Variants in EXD3 observed in about 807,000 individuals in gnomAD.
The protein encoded by EXD3 is exonuclease 3'-5' domain containing 3.
A neutral mutation model predicts 98.0 loss-of-function variants in EXD3; 92 were observed. The ratio of observed to expected loss-of-function variants is 0.94; its 90% CI spans 0.79 to 1.12. The LOEUF (loss-of-function observed/expected upper bound fraction) is 1.12, where lower values mean the gene tolerates loss of function less well. Among genes scored for constraint, EXD3 ranks in the 50% most tolerant of loss-of-function variants. The pLI, the probability that EXD3 is intolerant of heterozygous loss-of-function variation, is 0.00. For missense variants in EXD3, 1,222 were observed against 1,191.6 expected (o/e 1.03, Z -0.38); for synonymous variants, 569 against 526.0 (o/e 1.08, Z -1.12).
In EXD3 at chr9:137,372,960, C is replaced by T; in HGVS notation, c.407G>A (p.Arg136Lys). 6.2e-7 allele frequency: 1 copy of T among 1,603,166 alleles called. No homozygotes were observed. Among genetic ancestry groups the T allele is most frequent in the Middle Eastern group, 1.7e-4 (1 of 5,808 alleles). The change falls in exon 5 of 22, where the codon AGG becomes AAG. Residue 136 changes from arginine (R) to lysine (K), a missense_variant. Coordinates refer to ENST00000340951, the MANE Select transcript of EXD3 (RefSeq NM_017820.5). ...GTGGACGTGTGCCAGCAGGCAGCTC[C>T]TGTCTGCATCCTGCAGCTGGAAGAT... Reference protein sequence around the residue: ...ASIFQLQDADRSCLLAHVHRL... With the variant: ...ASIFQLQDADKSCLLAHVHRL...
At chr9:137,364,467 T>G (rs1036075615) in intron 7 of EXD3, among the ~76,000 whole-genome samples, 7 of 151,774 alleles carry the variant, frequency 4.6e-5, no homozygotes, top group African/African-American at 1.7e-4. Flanking sequence ...ACTAAAAATA[T>G]AAAAATTAGC....
intron 1 of EXD3, among the ~76,000 whole-genome samples, chr9:137,420,754 C>A (rs1838477122): frequency 7.9e-6 from 1 of 126,822 alleles, no homozygotes; most frequent in African/African-American, 2.8e-5. Context: ...CCCCCAAATT[C>A]ATACAGGTAT....
chr9:137,330,562 G>A (rs112232099), intron 17 of EXD3, among the ~76,000 whole-genome samples: 65 of 63,768 alleles, frequency 1.0e-3, no homozygotes, highest in Admixed American at 1.7e-3. Context: ...GCTACACAGG[G>A]CTCCACAGGA....
intron 2 of EXD3, among the ~76,000 whole-genome samples, chr9:137,386,115 G>A (rs1426414582): frequency 2.0e-5 from 3 of 152,116 alleles, no homozygotes; most frequent in South Asian, 2.1e-4. Flanking sequence ...GGGCAAGACA[G>A]CAAGACCCCA....
chr9:137,423,017 C>G (rs563721828), intron 1 of EXD3, 97 bp downstream of exon 1: 2 of 152,144 alleles, frequency 1.3e-5, no homozygotes, highest in South Asian at 4.1e-4. Flanking sequence ...TCACTCCCAG[C>G]TACGGCCCTC....
At chr9:137,370,391 G>C (rs2131672376) in intron 5 of EXD3, among the ~76,000 whole-genome samples, 1 of 152,180 alleles carries the variant, frequency 6.6e-6, no homozygotes, top group South Asian at 2.1e-4. Flanking sequence ...AAGGTGAAGA[G>C]TCCTGGACCC....
At chr9:137,327,722 A>T (rs56798340) in intron 17 of EXD3, among the ~76,000 whole-genome samples, 49 of 1,164 alleles carry the variant, frequency 0.042, 13 homozygotes, top group African/African-American at 0.082. Context: ...TAAAAACAAC[A>T]AATATACACC....
chr9:137,356,152 A>G (rs2119259877), intron 8 of EXD3, 116 bp downstream of exon 8: 2 of 720,998 alleles, frequency 2.8e-6, no homozygotes, highest in Non-Finnish European at 2.3e-6. Context: ...CTCTCTGGGA[A>G]GGTTGGTCTT....
chr9:137,340,766 G>A (rs543703821), intron 17 of EXD3, among the ~76,000 whole-genome samples: 20 of 151,996 alleles, frequency 1.3e-4, no homozygotes, highest in Non-Finnish European at 2.4e-4. Flanking sequence ...CAATTCTCCC[G>A]CCCTGGCCTC....
intron 19 of EXD3, among the ~76,000 whole-genome samples, chr9:137,320,785 G>C (rs558269762): frequency 6.6e-6 from 1 of 152,326 alleles, no homozygotes; most frequent in Admixed American, 6.5e-5. Context: ...GGCTCCAGCA[G>C]GGGTTTCCTC....
rs549570224 is a variant in EXD3 at position 137,314,391 on chromosome 9, G to A, written c.2185-4691C>T. Among the ~76,000 whole-genome samples the A allele has an allele frequency of 5.3e-5, 8 of 152,330 alleles. No individual in the cohort carries two copies. The East Asian group carries it at 1.2e-3, about 22-fold the overall frequency. ...GACTTTCCACTGGAGACAGTGCTGG[G>A]GTGGGCGGAAGGCCGAGCCCCTGGC... On this transcript the variant is annotated intron_variant, in intron 19 of 21. Transcript: ENST00000340951.
At chr9:137,323,666 A>G in intron 19 of EXD3, 59 bp downstream of exon 19, 1 of 1,584,100 alleles carries the variant, frequency 6.3e-7, no homozygotes, top group Admixed American at 1.7e-5. Context: ...CTCCCTGGAC[A>G]CCCCCGTAGC....
chr9:137,330,786 A>C (rs987434439), intron 17 of EXD3, among the ~76,000 whole-genome samples: 1 of 152,230 alleles, frequency 6.6e-6, no homozygotes, highest in African/African-American at 2.4e-5. Flanking sequence ...ATTAGAAAGG[A>C]AAAATGGCCC....
intron 14 of EXD3, among the ~76,000 whole-genome samples, chr9:137,350,158 T>G (rs1185129912): frequency 1.8e-4 from 7 of 38,554 alleles, no homozygotes; most frequent in Admixed American, 5.5e-4. Context: ...CGGGGAAGGT[T>G]CTAGATAGAG....
intron 19 of EXD3, among the ~76,000 whole-genome samples, chr9:137,313,695 A>T (rs1831483694): frequency 6.6e-6 from 1 of 152,052 alleles, no homozygotes; most frequent in Non-Finnish European, 1.5e-5. Flanking sequence ...GGAGTTGCCA[A>T]CCTGGGATTT....
At chr9:137,350,866 T>C (rs1285501768) in intron 14 of EXD3, among the ~76,000 whole-genome samples, 172 bp downstream of exon 14, 1 of 152,040 alleles carries the variant, frequency 6.6e-6, no homozygotes, top group African/African-American at 2.4e-5. Context: ...TCCCTGGAGA[T>C]GCCAGATCCA....
chr9:137,338,203 G>C (rs1441661511), intron 17 of EXD3, among the ~76,000 whole-genome samples: 2 of 152,178 alleles, frequency 1.3e-5, no homozygotes, highest in Non-Finnish European at 2.9e-5. Flanking sequence ...CTATTTTCCT[G>C]AAGTTAGGTT....
At position 137,348,216 on chromosome 9, in the gene EXD3, G is replaced by C. The variant is rs767216999; in HGVS notation, c.1853C>G (p.Ser618Cys). Residue 618 changes from serine to cysteine, a missense_variant, in exon 17 of 22, where the codon TCT (serine) becomes TGT (cysteine). By Grantham distance (112) the Ser-to-Cys change is moderately radical. Transcript: ENST00000340951. ...PRQVPVAVAV[S>C]EGAAPQIPAR... ...CGGAATCTGAGGGGCAGCGCCCTCA[G>C]ACACAGCCACAGCCACAGGGACCTG... 1.2e-6 allele frequency: 2 copies of C among 1,611,278 alleles called. No homozygotes were observed. The highest frequency in any genetic ancestry group is 2.2e-5 in the South Asian group (2 of 90,990).
intron 2 of EXD3, among the ~76,000 whole-genome samples, chr9:137,383,599 A>G (rs1836435094): frequency 6.6e-6 from 1 of 152,146 alleles, no homozygotes. Flanking sequence ...CCGCCCATCC[A>G]GCTGAGTCCG....
Sources: allele counts gnomAD v4.1 joint callset (sites outside exome capture counted in the v4.1 genomes callset), GRCh38; gene constraint gnomAD v4.1.1; transcripts MANE v1.5; gene names NCBI Gene and HGNC (gene_info 2026-07-23, HGNC 2026-07-21).